Variants in RANBP17 observed in about 807,000 individuals in gnomAD.
RANBP17 encodes RAN binding protein 17.
Under a neutral mutation model 141.2 loss-of-function variants are expected in RANBP17, and 158 were observed. That is an observed-to-expected ratio of 1.12 (90% CI 0.98 to 1.28). RANBP17 has a LOEUF of 1.28. RANBP17 is among the 50% of genes most tolerant of loss of function. The probability of loss-of-function intolerance (pLI) is 0.00; values close to 1 mark genes in which losing one functional copy is unlikely to be tolerated. For synonymous variants in RANBP17, 430 were observed against 450.0 expected, an observed-to-expected ratio of 0.96 and a Z score of 0.56; for missense variants, 1,438 against 1,290.7, an observed-to-expected ratio of 1.11 and a Z score of -1.75.
chr5:170,938,736 G>A (rs183522211), intron 12 of RANBP17, among the ~76,000 whole-genome samples: 487 of 152,246 alleles, frequency 3.2e-3, no homozygotes, highest in African/African-American at 0.011. Context: ...TGGCTAACTG[G>A]CAGTTAGAAC....
chr5:171,230,108 G>C (rs929525149), intron 22 of RANBP17, among the ~76,000 whole-genome samples: 1 of 152,062 alleles, frequency 6.6e-6, no homozygotes, highest in African/African-American at 2.4e-5. Context: ...TTCCCTTAAG[G>C]AACTTAAGTC....
intron 14 of RANBP17, among the ~76,000 whole-genome samples, chr5:171,130,606 T>G (rs1188424080): frequency 6.6e-6 from 1 of 151,920 alleles, no homozygotes; most frequent in African/African-American, 2.4e-5. Flanking sequence ...CTGGCTAATT[T>G]TGTATTTTTA....
At position 170,914,186 on chromosome 5, in the gene RANBP17, A is replaced by G. The variant is rs756102905; in HGVS notation, c.780A>G (p.Thr260=). 4.4e-6 allele frequency: 7 copies of G among 1,609,020 alleles called. No individual in the cohort carries two copies. The East Asian group carries it at 6.7e-5, about 15-fold the overall frequency. ...TCCCAGTTTTCCTGGAACCAGAAACATTGGATCTTTTCTTCAATTTGTATC... is the reference window on the plus strand; with the variant it reads ...TCCCAGTTTTCCTGGAACCAGAAACGTTGGATCTTTTCTTCAATTTGTATC... ...TWRTIFLEPE[T]LDLFFNLYHS... is the part of the protein sequence containing the mutation. The change falls in exon 8 of 28, where the codon ACA becomes ACG. Residue 260 remains threonine (T), a synonymous_variant. Transcript: ENST00000523189.
At chr5:171,061,570 C>G (rs1298591356) in intron 14 of RANBP17, among the ~76,000 whole-genome samples, 5 of 152,048 alleles carry the variant, frequency 3.3e-5, no homozygotes, top group Non-Finnish European at 5.9e-5. Flanking sequence ...CTGAGGAGAG[C>G]TTTACTTCCA....
At chr5:171,145,628 T>G (rs1400113914) in intron 14 of RANBP17, among the ~76,000 whole-genome samples, 1 of 152,146 alleles carries the variant, frequency 6.6e-6, no homozygotes, top group East Asian at 1.9e-4. Flanking sequence ...AGAGAAAGAT[T>G]GCATAACAAG....
intron 14 of RANBP17, among the ~76,000 whole-genome samples, chr5:171,005,159 C>T (rs1251276957): frequency 6.6e-6 from 1 of 152,078 alleles, no homozygotes; most frequent in Non-Finnish European, 1.5e-5. Context: ...GTGAAAATGG[C>T]CATACTGCCC....
At chr5:171,072,043 T>G (rs1217908647) in intron 14 of RANBP17, among the ~76,000 whole-genome samples, 1 of 152,044 alleles carries the variant, frequency 6.6e-6, no homozygotes, top group Non-Finnish European at 1.5e-5. Context: ...AACTTGCCAG[T>G]AAGTGTGATA....
At chr5:171,144,465 C>CA (rs1307944232) in intron 14 of RANBP17, among the ~76,000 whole-genome samples, 3 of 151,954 alleles carry the variant, frequency 2.0e-5, no homozygotes, top group Non-Finnish European at 2.9e-5. Context: ...TTATTTATTT[C>CA]AAAAAAAGAA....
At chr5:170,911,687 A>C (rs762834694) in intron 7 of RANBP17, among the ~76,000 whole-genome samples, 1 of 151,958 alleles carries the variant, frequency 6.6e-6, no homozygotes, top group Non-Finnish European at 1.5e-5. Context: ...GAGAAAGAAA[A>C]AAGTTTAATA....
At position 170,924,504 on chromosome 5, in the gene RANBP17, T is replaced by C. The variant is rs767255107; in HGVS notation, c.1422T>C (p.Leu474=). The change falls in exon 12 of 28, where the codon CTT becomes CTC. Residue 474 remains leucine (L), a synonymous_variant. Transcript: ENST00000523189. Reference sequence around the variant, plus strand: ...AAAATGCACAGAATTACCAAAAACTTCTGCATCCATATTCTGGTGTAACTG... The same window carrying C: ...AAAATGCACAGAATTACCAAAAACTCCTGCATCCATATTCTGGTGTAACTG... ...FDQNAQNYQK[L]LHPYSGVTVD... 1 of 1,611,980 alleles carries C rather than the reference T, an allele frequency of 6.2e-7. No individual in the cohort carries two copies. The highest frequency in any genetic ancestry group is 8.5e-7 in the Non-Finnish European group (1 of 1,178,552).
chr5:170,950,932 G>A (rs902229659), intron 12 of RANBP17, among the ~76,000 whole-genome samples: 2 of 152,058 alleles, frequency 1.3e-5, no homozygotes, highest in Non-Finnish European at 2.9e-5. Context: ...CAGCAACATA[G>A]GTGGAACTGG....
intron 14 of RANBP17, among the ~76,000 whole-genome samples, chr5:171,036,641 C>G (rs554330460): frequency 6.6e-6 from 1 of 152,202 alleles, no homozygotes; most frequent in East Asian, 1.9e-4. Flanking sequence ...TCTGTATGTC[C>G]GTGGGTACCC....
At chr5:170,948,145 G>T (rs1774911819) in intron 12 of RANBP17, among the ~76,000 whole-genome samples, 2 of 152,164 alleles carry the variant, frequency 1.3e-5, no homozygotes, top group African/African-American at 4.8e-5. Flanking sequence ...ATTAAACTGT[G>T]TGAGTACTGG....
At chr5:171,078,178 G>A (rs1357054401) in intron 14 of RANBP17, among the ~76,000 whole-genome samples, 5 of 148,902 alleles carry the variant, frequency 3.4e-5, no homozygotes, top group Non-Finnish European at 5.9e-5. Flanking sequence ...GTACCGCACA[G>A]GCTAGAGTGA....
intron 14 of RANBP17, among the ~76,000 whole-genome samples, chr5:171,100,657 G>T (rs566780832): frequency 6.6e-6 from 1 of 152,124 alleles, no homozygotes; most frequent in East Asian, 1.9e-4. Flanking sequence ...GAATTTGTTT[G>T]CTCTTGCTTC....
chr5:170,983,348 T>C (rs1382727400), intron 14 of RANBP17: 1 of 240,894 alleles, frequency 4.2e-6, no homozygotes, highest in Non-Finnish European at 8.1e-6. Context: ...TCTGGAATAG[T>C]GTTTGAGGGT....
At position 170,909,774 on chromosome 5, in the gene RANBP17, T is replaced by C. The variant is rs1276805503; in HGVS notation, c.594+9T>C. 2.3e-6 allele frequency: 3 copies of C among 1,314,504 alleles called. No individual in the cohort carries two copies. Among genetic ancestry groups the C allele is most frequent in the Non-Finnish European group, 2.2e-6 (2 of 915,108 alleles). The allele number at this position is 1,314,504 out of a possible 1,614,324, so 81.4% of individuals were successfully genotyped here. Reference sequence around the variant, plus strand: ...GCTCTCTTTTAAAAGAGGTAAGTTATTTGATAATTCAACTTCCTAGTTAGA... The same window carrying C: ...GCTCTCTTTTAAAAGAGGTAAGTTACTTGATAATTCAACTTCCTAGTTAGA... On this transcript the variant is annotated intron_variant, in intron 6 of 27. Transcript: ENST00000523189.
chr5:171,095,956 T>C (rs977902637), intron 14 of RANBP17, among the ~76,000 whole-genome samples: 1 of 151,980 alleles, frequency 6.6e-6, no homozygotes, highest in African/African-American at 2.4e-5. Flanking sequence ...GAAGAGAAAA[T>C]ATATTTACTA....
rs572011581 is a variant in RANBP17 at position 171,261,407 on chromosome 5, G to C, written c.2777-4274G>C. On this transcript the variant is annotated intron_variant, in intron 24 of 27. Transcript: ENST00000523189. ...CTTTTGTCTCTGGAATTGCCCTTCAGACTATATTTTTCTAAGACCTTCATT... is the reference window on the plus strand; with the variant it reads ...CTTTTGTCTCTGGAATTGCCCTTCACACTATATTTTTCTAAGACCTTCATT... Among the ~76,000 whole-genome samples, 18 of 152,260 alleles carry C rather than the reference G, an allele frequency of 1.2e-4. No individual in the cohort carries two copies. The South Asian group carries it at 3.7e-3, about 32-fold the overall frequency.
Sources: allele counts gnomAD v4.1 joint callset (sites outside exome capture counted in the v4.1 genomes callset), GRCh38; gene constraint gnomAD v4.1.1; transcripts MANE v1.5; gene names NCBI Gene and HGNC (gene_info 2026-07-23, HGNC 2026-07-21).